ASTN2: variants seen among roughly 807,000 people sequenced by gnomAD.
The protein encoded by ASTN2 is astrotactin 2.
A neutral mutation model predicts 139.8 loss-of-function variants in ASTN2; 54 were observed. That is an observed-to-expected ratio of 0.39 (90% CI 0.31 to 0.48). The LOEUF (loss-of-function observed/expected upper bound fraction) is 0.48. Among genes scored for constraint, ASTN2 ranks in the 20% least tolerant of loss-of-function variants. ASTN2 has a pLI of 0.95. For synonymous variants in ASTN2, 756 were observed against 719.5 expected, an observed-to-expected ratio of 1.05 and a Z score of -0.81; for missense variants, 1,565 against 1,725.1, an observed-to-expected ratio of 0.91 and a Z score of 1.64.
chr9:117,275,210 G>A (rs913882594), intron 2 of ASTN2, among the ~76,000 whole-genome samples: 2 of 152,060 alleles, frequency 1.3e-5, no homozygotes, highest in African/African-American at 2.4e-5. Flanking sequence ...AGCAACCTAG[G>A]CTTTTCCAAC....
chr9:116,723,695 T>C (rs1290738671), intron 16 of ASTN2, among the ~76,000 whole-genome samples: 1 of 152,076 alleles, frequency 6.6e-6, no homozygotes, highest in Middle Eastern at 3.2e-3. Flanking sequence ...CACTCCCAAA[T>C]ATAAAAAATA....
intron 4 of ASTN2, among the ~76,000 whole-genome samples, chr9:117,102,177 T>G (rs1347297636): frequency 6.6e-6 from 1 of 152,188 alleles, no homozygotes; most frequent in African/African-American, 2.4e-5. Flanking sequence ...ATGTGGTATA[T>G]AGACATAGAA....
At chr9:117,322,112 C>G (rs963093946) in intron 1 of ASTN2, among the ~76,000 whole-genome samples, 2 of 144,724 alleles carry the variant, frequency 1.4e-5, no homozygotes, top group Non-Finnish European at 3.0e-5. Context: ...CTTTATTGCT[C>G]CATAATTCAG....
At chr9:116,497,172 C>G (rs1323025252) in intron 19 of ASTN2, among the ~76,000 whole-genome samples, 1 of 152,188 alleles carries the variant, frequency 6.6e-6, no homozygotes, top group African/African-American at 2.4e-5. Flanking sequence ...GTGCACAGAG[C>G]TGCTCACCAC....
At chr9:117,123,542 T>C (rs565141171) in intron 4 of ASTN2, among the ~76,000 whole-genome samples, 3 of 152,268 alleles carry the variant, frequency 2.0e-5, no homozygotes, top group South Asian at 4.2e-4. Context: ...AAAAGATGCA[T>C]GGTAAGCTCT....
intron 10 of ASTN2, among the ~76,000 whole-genome samples, chr9:116,866,549 C>A (rs1209440814): frequency 6.6e-6 from 1 of 152,030 alleles, no homozygotes; most frequent in Non-Finnish European, 1.5e-5. Context: ...AGACATTAAG[C>A]CTATTAAAAT....
chr9:116,979,030 A>T (rs1179929788), intron 7 of ASTN2, among the ~76,000 whole-genome samples: 1 of 152,336 alleles, frequency 6.6e-6, no homozygotes, highest in Middle Eastern at 3.4e-3. Flanking sequence ...ACTTATTGTT[A>T]TCTCTGATGA....
chr9:117,399,705 C>T (rs1830772002), intron 1 of ASTN2, among the ~76,000 whole-genome samples: 1 of 152,210 alleles, frequency 6.6e-6, no homozygotes, highest in South Asian at 2.1e-4. Flanking sequence ...AGATCCAGCA[C>T]AGGGTCTGGG....
chr9:116,569,150 C>A (rs1388624774), intron 19 of ASTN2, among the ~76,000 whole-genome samples: 7 of 152,076 alleles, frequency 4.6e-5, no homozygotes, highest in Non-Finnish European at 1.0e-4. Flanking sequence ...GTCAGGGAAG[C>A]AACGAACCAA....
chr9:117,269,138 T>C (rs1367201548), intron 2 of ASTN2, among the ~76,000 whole-genome samples: 1 of 152,202 alleles, frequency 6.6e-6, no homozygotes, highest in Non-Finnish European at 1.5e-5. Flanking sequence ...TAAGTACTTC[T>C]CCCAGCCATG....
rs1010755513 is a variant in ASTN2, at chr9:117,255,450, C to T, written c.630+35876G>A. Among the ~76,000 whole-genome samples, 125 of 152,330 alleles carry T rather than the reference C, an allele frequency of 8.2e-4. 1 individual carries two copies. The highest frequency in any genetic ancestry group is 2.1e-4 in the Non-Finnish European group (14 of 68,026). On this transcript the variant is annotated intron_variant, in intron 2 of 22. Transcript: ENST00000313400. ...TACACCCATTTTACAGATAAAGAAA[C>T]AGGCTCACAAATAGCCTAAGGTCAT...
intron 19 of ASTN2, among the ~76,000 whole-genome samples, chr9:116,593,625 A>G (rs1435621437): frequency 6.6e-6 from 1 of 152,186 alleles, no homozygotes; most frequent in African/African-American, 2.4e-5. Flanking sequence ...GTGTATTCTA[A>G]TCACAACTTA....
intron 4 of ASTN2, among the ~76,000 whole-genome samples, chr9:117,113,467 T>G (rs937180359): frequency 1.3e-5 from 2 of 151,934 alleles, no homozygotes; most frequent in Admixed American, 1.3e-4. Flanking sequence ...ACCAGCCTGG[T>G]CAACATGGTT....
intron 4 of ASTN2, among the ~76,000 whole-genome samples, chr9:117,134,992 T>G (rs147173389): frequency 6.6e-6 from 1 of 152,230 alleles, no homozygotes; most frequent in African/African-American, 2.4e-5. Flanking sequence ...TGATTCATTC[T>G]TAGCTCAGAG....
chr9:117,188,826 T>A (rs1367483016), intron 3 of ASTN2, among the ~76,000 whole-genome samples: 1 of 152,116 alleles, frequency 6.6e-6, no homozygotes, highest in African/African-American at 2.4e-5. Flanking sequence ...AGCATCCACA[T>A]TTTGAGAGTC....
intron 19 of ASTN2, among the ~76,000 whole-genome samples, chr9:116,589,418 T>A (rs147761490): frequency 6.6e-6 from 1 of 152,214 alleles, no homozygotes; most frequent in Non-Finnish European, 1.5e-5. Context: ...GAACTAACCT[T>A]TCTCCCTTTG....
At chr9:117,209,142 AC>A (rs1434724868) in intron 3 of ASTN2, among the ~76,000 whole-genome samples, 1 of 152,206 alleles carries the variant, frequency 6.6e-6, no homozygotes, top group Admixed American at 6.5e-5. Flanking sequence ...AAAGTAAGAA[AC>A]AAAGAATACA....
At chr9:116,593,338 G>C (rs1854446770) in intron 19 of ASTN2, among the ~76,000 whole-genome samples, 1 of 152,218 alleles carries the variant, frequency 6.6e-6, no homozygotes, top group Non-Finnish European at 1.5e-5. Flanking sequence ...TGAAGGCTGA[G>C]GTAACTCAGT....
chr9:117,375,601 G>A (rs1225337951), intron 1 of ASTN2, among the ~76,000 whole-genome samples: 1 of 152,144 alleles, frequency 6.6e-6, no homozygotes, highest in Non-Finnish European at 1.5e-5. Flanking sequence ...AGTTCAAGAA[G>A]GAAAAAGTGA....
Sources: allele counts gnomAD v4.1 joint callset (sites outside exome capture counted in the v4.1 genomes callset), GRCh38; gene constraint gnomAD v4.1.1; transcripts MANE v1.5; gene names NCBI Gene and HGNC (gene_info 2026-07-23, HGNC 2026-07-21).